DUSP16: variants seen among roughly 807,000 people sequenced by gnomAD.
The protein encoded by DUSP16 is dual specificity protein phosphatase 16.
DUSP16 carries 21 observed loss-of-function variants against 58.3 expected under a neutral mutation model. The observed-to-expected ratio is 0.36, with a 90% CI of 0.26 to 0.52. The LOEUF (loss-of-function observed/expected upper bound fraction) is 0.52. Ranked by LOEUF, DUSP16 falls within the 20% of genes least tolerant of loss-of-function variation. DUSP16 has a pLI of 0.94. For synonymous variants in DUSP16, 320 were observed against 323.8 expected (o/e 0.99, Z 0.12); for missense variants, 726 against 819.0 (o/e 0.89, Z 1.39).
chr12:12,556,601 T>C (rs560043494), intron 1 of DUSP16, among the ~76,000 whole-genome samples: 106 of 150,982 alleles, frequency 7.0e-4, no homozygotes, highest in African/African-American at 2.5e-3. Context: ...AATTAAAAAC[T>C]GCAAAAAGAG....
intron 3 of DUSP16, among the ~76,000 whole-genome samples, chr12:12,513,697 T>C (rs1944109435): frequency 6.6e-6 from 1 of 152,158 alleles, no homozygotes; most frequent in East Asian, 1.9e-4. Context: ...CCCTTTTGCT[T>C]TTACTCAGGC....
At chr12:12,502,880 T>C (rs925459902) in intron 3 of DUSP16, among the ~76,000 whole-genome samples, 9 of 152,126 alleles carry the variant, frequency 5.9e-5, no homozygotes, top group African/African-American at 1.9e-4. Context: ...CACATTTCCA[T>C]GCCGTTCTCT....
chr12:12,479,984 C>T (rs1943533008), intron 6 of DUSP16, among the ~76,000 whole-genome samples: 1 of 152,160 alleles, frequency 6.6e-6, no homozygotes, highest in Admixed American at 6.5e-5. Context: ...TCTGTTGTTC[C>T]TTAAACATAA....
At chr12:12,479,683 G>C (rs763877841) in intron 6 of DUSP16, among the ~76,000 whole-genome samples, 1 of 152,170 alleles carries the variant, frequency 6.6e-6, no homozygotes, top group African/African-American at 2.4e-5. Flanking sequence ...AGGGGAGTCA[G>C]ACAAATCAGA....
intron 3 of DUSP16, among the ~76,000 whole-genome samples, chr12:12,512,285 C>T (rs1319699715): frequency 2.0e-5 from 3 of 152,122 alleles, no homozygotes; most frequent in Non-Finnish European, 4.4e-5. Flanking sequence ...TATACATATA[C>T]ACTTGGAATG....
chr12:12,492,589 C>T (rs879434398), intron 4 of DUSP16, among the ~76,000 whole-genome samples: 2 of 152,020 alleles, frequency 1.3e-5, no homozygotes, highest in Non-Finnish European at 2.9e-5. Flanking sequence ...TTATTTCTCC[C>T]ACCTTAAAAA....
At chr12:12,561,865 G>A (rs1302890205) in intron 1 of DUSP16, among the ~76,000 whole-genome samples, 1 of 150,208 alleles carries the variant, frequency 6.7e-6, no homozygotes, top group African/African-American at 2.4e-5. Flanking sequence ...TTCCCGCTCC[G>A]GCCAGCCTCC....
intron 1 of DUSP16, among the ~76,000 whole-genome samples, chr12:12,538,914 GAAC>G (rs1216186512): frequency 1.3e-5 from 2 of 152,180 alleles, no homozygotes; most frequent in Admixed American, 1.3e-4. Context: ...GCTAAAAAGG[GAAC>G]AACTCAGTAC....
At chr12:12,511,799 G>A (rs1168304538) in intron 3 of DUSP16, among the ~76,000 whole-genome samples, 1 of 151,820 alleles carries the variant, frequency 6.6e-6, no homozygotes, top group Non-Finnish European at 1.5e-5. Context: ...GCACAGCCAT[G>A]GAGGCACCCA....
chr12:12,552,850 G>A (rs773947452), intron 1 of DUSP16, among the ~76,000 whole-genome samples: 3 of 151,854 alleles, frequency 2.0e-5, no homozygotes, highest in Admixed American at 1.3e-4. Flanking sequence ...GCAGGATCTC[G>A]GCTCACTGCA....
intron 1 of DUSP16, among the ~76,000 whole-genome samples, chr12:12,551,689 AC>A (rs2136267976): frequency 7.1e-6 from 1 of 140,848 alleles, no homozygotes; most frequent in Admixed American, 7.2e-5. Context: ...AACTTAGTAA[AC>A]CTTTTTTTTT....
chr12:12,489,352 T>C (rs1423514489), intron 4 of DUSP16, among the ~76,000 whole-genome samples: 2 of 152,202 alleles, frequency 1.3e-5, no homozygotes, highest in Admixed American at 6.5e-5. Context: ...TGTTTTTCTA[T>C]GTGTGAACCC....
At chr12:12,517,106 C>T (rs924153287) in intron 3 of DUSP16, among the ~76,000 whole-genome samples, 1 of 152,220 alleles carries the variant, frequency 6.6e-6, no homozygotes, top group Non-Finnish European at 1.5e-5. Flanking sequence ...AGTCATTCTT[C>T]CGTGGGTAAG....
At chr12:12,480,100 A>T in intron 6 of DUSP16, 123 bp downstream of exon 6, 1 of 1,307,636 alleles carries the variant, frequency 7.6e-7, no homozygotes, top group South Asian at 1.5e-5. Context: ...AATCCACAGT[A>T]ACCTGTAAAA....
chr12:12,500,901 T>TCC (rs1943898803), intron 3 of DUSP16, among the ~76,000 whole-genome samples: 1 of 152,184 alleles, frequency 6.6e-6, no homozygotes, highest in African/African-American at 2.4e-5. Context: ...CTGAAGGCAC[T>TCC]TATAATGAAT....
At chr12:12,518,832 T>C (rs1944189936) in intron 3 of DUSP16, among the ~76,000 whole-genome samples, 1 of 152,200 alleles carries the variant, frequency 6.6e-6, no homozygotes, top group African/African-American at 2.4e-5. Context: ...GGTGTACAGA[T>C]AGACAATCTG....
At chr12:12,492,188 G>C (rs187579419) in intron 4 of DUSP16, among the ~76,000 whole-genome samples, 1 of 152,104 alleles carries the variant, frequency 6.6e-6, no homozygotes, top group African/African-American at 2.4e-5. Flanking sequence ...AGCAATCTCT[G>C]TATTTCCCCA....
Position 12,521,128 on chromosome 12 carries a change from C to CA in DUSP16, c.-31_-30insT. The stretch of plus-strand genomic sequence containing the variant: ...ACAATAAGTCCTCTTTTCCCACCTC[C>CA]TTCTTTAATTTGCCACGATGATGTA... On this transcript the variant is annotated 5_prime_UTR_variant, in exon 2 of 7. It adds an upstream start codon to the 5' untranslated region. Coordinates refer to ENST00000298573, the MANE Select transcript of DUSP16 (RefSeq NM_030640.3). The CA allele has an allele frequency of 6.2e-7, 1 of 1,606,932 alleles. No homozygotes were observed. Among genetic ancestry groups the CA allele is most frequent in the Non-Finnish European group, 8.5e-7 (1 of 1,176,336 alleles).
At chr12:12,543,539 T>C (rs1255398627) in intron 1 of DUSP16, among the ~76,000 whole-genome samples, 1 of 152,212 alleles carries the variant, frequency 6.6e-6, no homozygotes, top group African/African-American at 2.4e-5. Flanking sequence ...TATAAATACC[T>C]GCCCAAGTAT....
Sources: gnomAD v4.1 joint callset for allele counts (sites outside exome capture counted in the v4.1 genomes callset) on GRCh38, gnomAD v4.1.1 for gene constraint, MANE v1.5 for transcripts, NCBI Gene and HGNC (gene_info 2026-07-23, HGNC 2026-07-21) for gene names.